Variants in PID1 observed in about 807,000 individuals in gnomAD.
PID1 encodes the protein phosphotyrosine interaction domain containing 1, also known as PTB-containing, cubilin and LRP1-interacting protein.
In PID1, 10 loss-of-function variants were observed where a neutral mutation model predicts 19.1. That is an observed-to-expected ratio of 0.52 (90% CI 0.32 to 0.89). PID1 has a LOEUF of 0.89. PID1 is among the 40% of genes least tolerant of loss of function. The probability of loss-of-function intolerance (pLI) is 0.03; values close to 1 mark genes in which losing one functional copy is unlikely to be tolerated. For missense variants in PID1, 248 were observed against 285.3 expected, an observed-to-expected ratio of 0.87 and a Z score of 0.94; for synonymous variants, 130 against 116.0, an observed-to-expected ratio of 1.12 and a Z score of -0.78.
rs13022652 is a variant in PID1, at chr2:229,133,932, C to A, written c.177+21886G>T. On this transcript the variant is annotated intron_variant, in intron 2 of 2. Coordinates refer to ENST00000392055, the MANE Select transcript of PID1 (RefSeq NM_001100818.2). ...ATATCTCCTAATGCTATCCCTCCCA[C>A]CTCCCTGAGTTGGATAATTCTTAAC... is the stretch of plus-strand genomic sequence containing the variant. 2.9e-3 allele frequency among the ~76,000 whole-genome samples: 432 copies of A among 151,472 alleles called. 2 individuals are homozygous for A. Among genetic ancestry groups the A allele is most frequent in the South Asian group, 0.013 (61 of 4,772 alleles).
rs939364610 is a variant in PID1, at chr2:229,142,280, T to C, written c.177+13538A>G. On this transcript the variant is annotated intron_variant, in intron 2 of 2. Coordinates refer to ENST00000392055, the MANE Select transcript of PID1 (RefSeq NM_001100818.2). ...TCACTGTCTTCATCTTAAATAAAGA[T>C]ACAAGAAAGGAAAGTTCAAATGGCT... Among the ~76,000 whole-genome samples, 9 of 152,210 alleles carry C rather than the reference T, an allele frequency of 5.9e-5. No individual in the cohort carries two copies. The East Asian group carries it at 9.6e-4, about 16-fold the overall frequency.
intron 2 of PID1, among the ~76,000 whole-genome samples, chr2:229,051,432 G>A (rs192164369): frequency 4.1e-4 from 62 of 152,090 alleles, no homozygotes; most frequent in African/African-American, 1.3e-3. Flanking sequence ...CTGCCTCCCC[G>A]GTACAAGCGG....
intron 2 of PID1, among the ~76,000 whole-genome samples, chr2:229,038,963 T>C (rs1250316804): frequency 6.6e-6 from 1 of 152,210 alleles, no homozygotes; most frequent in Non-Finnish European, 1.5e-5. Flanking sequence ...TTATGGCATA[T>C]AGCTTCCAAG....
intron 1 of PID1, among the ~76,000 whole-genome samples, chr2:229,199,150 A>T (rs535269431): frequency 8.6e-5 from 13 of 152,046 alleles, no homozygotes; most frequent in East Asian, 1.9e-4. Context: ...CCCACCCCAA[A>T]TATGCCTGAG....
chr2:229,164,297 T>G (rs1686952388), intron 1 of PID1, among the ~76,000 whole-genome samples: 1 of 151,854 alleles, frequency 6.6e-6, no homozygotes, highest in Admixed American at 6.5e-5. Flanking sequence ...AAATTTCACC[T>G]ACTCATGAAA....
At chr2:229,196,324 C>T (rs376398581) in intron 1 of PID1, among the ~76,000 whole-genome samples, 1 of 152,018 alleles carries the variant, frequency 6.6e-6, no homozygotes, top group East Asian at 1.9e-4. Flanking sequence ...ACATATTTTT[C>T]AAAGATAATC....
chr2:229,030,944 GCA>G (rs1197657586), intron 2 of PID1, among the ~76,000 whole-genome samples: 4 of 152,176 alleles, frequency 2.6e-5, no homozygotes, highest in African/African-American at 9.6e-5. Context: ...ATGGCCGGGT[GCA>G]GTGGCTCACA....
chr2:229,165,581 A>G (rs947305697), intron 1 of PID1, among the ~76,000 whole-genome samples: 3 of 148,560 alleles, frequency 2.0e-5, no homozygotes, highest in African/African-American at 7.4e-5. Flanking sequence ...CCCAGTCTCA[A>G]AAATAAAAAA....
intron 2 of PID1, among the ~76,000 whole-genome samples, chr2:229,129,413 CAAAAAA>C (rs370442954): frequency 1.1e-3 from 123 of 111,080 alleles, no homozygotes; most frequent in Middle Eastern, 6.0e-3. Flanking sequence ...GACTCCATCT[CAAAAAA>C]AAAAAAAAAA....
chr2:229,271,253 C>T lies in PID1; in HGVS notation c.-210G>A, dbSNP rs941062145. 7 of 441,328 alleles carry T rather than the reference C, an allele frequency of 1.6e-5. No homozygotes were observed. The highest frequency in any genetic ancestry group is 4.5e-5 in the Admixed American group (1 of 22,170). 27.3% of individuals were successfully genotyped at this position (441,328 alleles called of 1,614,324 possible). A position where few individuals can be genotyped will look rare whatever the true frequency, so the allele number is the denominator to read the frequency against. On this transcript the variant is annotated 5_prime_UTR_variant, in exon 1 of 3. Coordinates refer to ENST00000392055, the MANE Select transcript of PID1 (RefSeq NM_001100818.2). The stretch of plus-strand genomic sequence containing the variant: ...CCGGCAACTTGTGGGCACGGCCGCG[C>T]GCCGGCTGTCCTGGCGCAGCTGCGA...
chr2:229,045,892 C>T (rs1489979897), intron 2 of PID1, among the ~76,000 whole-genome samples: 2 of 152,194 alleles, frequency 1.3e-5, no homozygotes, highest in East Asian at 3.9e-4. Context: ...GGTCACTTAA[C>T]ATGCTTTGAT....
At chr2:229,173,971 C>A (rs1175579459) in intron 1 of PID1, among the ~76,000 whole-genome samples, 1 of 152,202 alleles carries the variant, frequency 6.6e-6, no homozygotes, top group South Asian at 2.1e-4. Context: ...CCACTTACCT[C>A]ACTCCTGAGA....
rs78677139 is a variant in PID1, at chr2:229,092,515, A to G, written c.177+63303T>C. On this transcript the variant is annotated intron_variant, in intron 2 of 2. Coordinates refer to ENST00000392055, the MANE Select transcript of PID1 (RefSeq NM_001100818.2). ...GAGGAATCTCTCTAGTGGCACCATC[A>G]TGATAGTCCAAGCTGAAAGGCAGTA... Among the ~76,000 whole-genome samples, 989 of 152,306 alleles carry G rather than the reference A, an allele frequency of 6.5e-3. 13 individuals are homozygous for G. The highest frequency in any genetic ancestry group is 0.021 in the African/African-American group (879 of 41,558).
chr2:229,084,869 C>T (rs577638397), intron 2 of PID1, among the ~76,000 whole-genome samples: 10 of 100,100 alleles, frequency 1.0e-4, no homozygotes, highest in Admixed American at 2.2e-4. Flanking sequence ...TAATTCACAG[C>T]GAGCAAGCAG....
At chr2:229,231,561 C>T (rs140408690) in intron 1 of PID1, among the ~76,000 whole-genome samples, 12 of 152,182 alleles carry the variant, frequency 7.9e-5, no homozygotes, top group African/African-American at 1.4e-4. Context: ...CAAGTGACGA[C>T]GATAGAGCCC....
intron 1 of PID1, among the ~76,000 whole-genome samples, chr2:229,176,681 C>T (rs1240562132): frequency 6.6e-6 from 1 of 152,166 alleles, no homozygotes; most frequent in Non-Finnish European, 1.5e-5. Context: ...GCCCTATGCT[C>T]CCAAATATTT....
chr2:229,186,330 G>C (rs1443151558), intron 1 of PID1, among the ~76,000 whole-genome samples: 2 of 152,204 alleles, frequency 1.3e-5, no homozygotes, highest in African/African-American at 4.8e-5. Context: ...CTGGAGTCTG[G>C]AGGATGGTGG....
chr2:229,145,409 T>C (rs1419392105), intron 2 of PID1, among the ~76,000 whole-genome samples: 2 of 151,812 alleles, frequency 1.3e-5, no homozygotes, highest in African/African-American at 2.4e-5. Context: ...AAGTCTACCA[T>C]AGTGGAAATA....
intron 1 of PID1, among the ~76,000 whole-genome samples, chr2:229,218,277 A>C (rs1398689859): frequency 1.4e-5 from 2 of 139,984 alleles, no homozygotes; most frequent in African/African-American, 5.4e-5. Context: ...ACTTCTCTAC[A>C]ATTTTGTTTC....
Sources: gnomAD v4.1 joint callset for allele counts (sites outside exome capture counted in the v4.1 genomes callset) on GRCh38, gnomAD v4.1.1 for gene constraint, MANE v1.5 for transcripts, NCBI Gene and HGNC (gene_info 2026-07-23, HGNC 2026-07-21) for gene names.